RPA1: variants seen among roughly 807,000 people sequenced by gnomAD.
RPA1 encodes the protein replication protein A 70 kDa DNA-binding subunit.
RPA1 carries 49 observed loss-of-function variants against 83.0 expected under a neutral mutation model. The observed-to-expected ratio is 0.59, with a 90% CI of 0.47 to 0.75. RPA1 has a LOEUF of 0.75. RPA1 is among the 30% of genes least tolerant of loss of function. The probability of loss-of-function intolerance (pLI) is 0.00; values close to 1 mark genes in which losing one functional copy is unlikely to be tolerated. For missense variants in RPA1, 693 were observed against 776.1 expected (o/e 0.89, Z 1.27); for synonymous variants, 279 against 281.8 (o/e 0.99, Z 0.10).
intron 7 of RPA1, 131 bp from the exon 8 acceptor site, chr17:1,877,081 A>G (rs1303199714): frequency 2.8e-5 from 22 of 784,338 alleles, no homozygotes; most frequent in Admixed American, 9.1e-5. Context: ...TGGGGTTTTA[A>G]TTAGCTGGAT....
intron 1 of RPA1, among the ~76,000 whole-genome samples, chr17:1,841,249 T>C (rs1258013040): frequency 6.6e-6 from 1 of 152,208 alleles, no homozygotes; most frequent in Admixed American, 6.6e-5. Context: ...GGATTTTCTA[T>C]GTAAACGATC....
chr17:1,896,532 G>C (rs1348695207), intron 16 of RPA1, among the ~76,000 whole-genome samples: 1 of 152,108 alleles, frequency 6.6e-6, no homozygotes, highest in Non-Finnish European at 1.5e-5. Flanking sequence ...AGTGGGGTGG[G>C]GCTGGGGGGG....
Position 1,897,053 on chromosome 17 carries a change from A to G in RPA1, c.1747-18A>G, listed in dbSNP as rs1914461194. 5.1e-6 allele frequency: 8 copies of G among 1,553,712 alleles called. No individual in the cohort carries two copies. The Admixed American group carries it at 7.7e-5, about 15-fold the overall frequency. Reference sequence around the variant, plus strand: ...ACCACACTTTCACTGCTCACAAACTACTTCTCCCTTTTTGAAGGACGAGTC... The same window carrying G: ...ACCACACTTTCACTGCTCACAAACTGCTTCTCCCTTTTTGAAGGACGAGTC... On this transcript the variant is annotated intron_variant, in intron 16 of 16. Transcript: ENST00000254719.
At chr17:1,891,579 C>T (rs1217753586) in intron 14 of RPA1, 2 of 192,750 alleles carry the variant, frequency 1.0e-5, no homozygotes, top group Non-Finnish European at 2.2e-5. Flanking sequence ...GCCACCATGC[C>T]TGGCTAATTT....
rs1914580679 is a variant in RPA1 at position 1,899,796 on chromosome 17, A to G, written c.*2621A>G. ...TTGGCAATATGCCGCCCAAGGTTTTATTTATAGAGGATGAAACAGGTTGTT... is the reference window on the plus strand; with the variant it reads ...TTGGCAATATGCCGCCCAAGGTTTTGTTTATAGAGGATGAAACAGGTTGTT... On this transcript the variant is annotated 3_prime_UTR_variant, in exon 17 of 17. Coordinates refer to ENST00000254719, the MANE Select transcript of RPA1 (RefSeq NM_002945.5). The G allele has an allele frequency of 3.3e-5, 5 of 152,156 alleles. No homozygotes were observed. The highest frequency in any genetic ancestry group is 6.5e-5 in the Admixed American group (1 of 15,274). The allele number at this position is 152,156 out of a possible 1,614,324, so 9.4% of individuals were successfully genotyped here. A position where few individuals can be genotyped will look rare whatever the true frequency, so the allele number is the denominator to read the frequency against.
At chr17:1,878,458 C>G (rs1253926419) in intron 8 of RPA1, among the ~76,000 whole-genome samples, 1 of 151,858 alleles carries the variant, frequency 6.6e-6, no homozygotes, top group Non-Finnish European at 1.5e-5. Context: ...ATTTCTTGTC[C>G]ACTTGTAAAT....
At position 1,842,552 on chromosome 17, in the gene RPA1, G is replaced by C. The variant is rs552068830; in HGVS notation, c.34-251G>C. 2.6e-5 allele frequency among the ~76,000 whole-genome samples: 4 copies of C among 152,268 alleles called. No homozygotes were observed. The East Asian group carries it at 7.7e-4, about 29-fold the overall frequency. On this transcript the variant is annotated intron_variant, in intron 1 of 16. Coordinates refer to ENST00000254719, the MANE Select transcript of RPA1 (RefSeq NM_002945.5). Reference sequence around the variant, plus strand: ...GAGCACTAGAGGGAAATGAATGGCTGTTAAGAATAACGAGTACATATGGGA... The same window carrying C: ...GAGCACTAGAGGGAAATGAATGGCTCTTAAGAATAACGAGTACATATGGGA...
At chr17:1,864,485 G>A (rs1325287612) in intron 5 of RPA1, among the ~76,000 whole-genome samples, 1 of 152,180 alleles carries the variant, frequency 6.6e-6, no homozygotes, top group African/African-American at 2.4e-5. Flanking sequence ...GTTGCAGTGA[G>A]CTGAGATTGC....
At chr17:1,882,457 C>A (rs990751327) in intron 12 of RPA1, among the ~76,000 whole-genome samples, 16 of 151,816 alleles carry the variant, frequency 1.1e-4, no homozygotes, top group African/African-American at 2.7e-4. Context: ...GAGTTCAAGA[C>A]CAGCCTGGCC....
intron 4 of RPA1, 21 bp from the exon 5 acceptor site, chr17:1,853,080 T>C: frequency 1.2e-6 from 2 of 1,607,808 alleles, no homozygotes; most frequent in South Asian, 2.2e-5. Context: ...CTAACCTGTT[T>C]CTGTTTGTCT....
At chr17:1,875,922 CTTTTTT>C (rs371878374) in intron 7 of RPA1, 129 bp downstream of exon 7, 455 of 541,332 alleles carry the variant, frequency 8.4e-4, no homozygotes, top group East Asian at 1.2e-3. Context: ...TGGGTTTACT[CTTTTTT>C]TTTTTTTTTT....
intron 11 of RPA1, 22 bp from the exon 12 acceptor site, chr17:1,880,521 A>G (rs1223736969): frequency 6.2e-7 from 1 of 1,609,106 alleles, no homozygotes; most frequent in Non-Finnish European, 8.5e-7. Flanking sequence ...ACACTTGTAT[A>G]TGTCTGGTGT....
At chr17:1,888,646 G>T (rs558045044) in intron 13 of RPA1, 29 bp from the exon 14 acceptor site, 3 of 1,590,384 alleles carry the variant, frequency 1.9e-6, no homozygotes, top group Non-Finnish European at 2.6e-6. Context: ...TCGCGACTCC[G>T]TGCCTCATGC....
intron 1 of RPA1, among the ~76,000 whole-genome samples, chr17:1,839,224 C>G (rs1911945286): frequency 6.6e-6 from 1 of 152,156 alleles, no homozygotes; most frequent in South Asian, 2.1e-4. Context: ...CAATTGATTT[C>G]TATGTTGGTG....
Position 1,899,712 on chromosome 17 carries a change from T to C in RPA1, c.*2537T>C, listed in dbSNP as rs899663023. 6.6e-6 allele frequency: 1 copy of C among 152,236 alleles called. No homozygotes were observed. The highest frequency in any genetic ancestry group is 2.4e-5 in the African/African-American group (1 of 41,466). 9.4% of individuals were successfully genotyped at this position (152,236 alleles called of 1,614,324 possible). A position where few individuals can be genotyped will look rare whatever the true frequency, so the allele number is the denominator to read the frequency against. Reference sequence around the variant, plus strand: ...GTTATTGACTACATAATTAATATACTGTCCAAAAGTGAAGTTTGGCCGCCC... The same window carrying C: ...GTTATTGACTACATAATTAATATACCGTCCAAAAGTGAAGTTTGGCCGCCC... On this transcript the variant is annotated 3_prime_UTR_variant, in exon 17 of 17. Transcript: ENST00000254719.
Position 1,842,792 on chromosome 17 carries a change from T to C in RPA1, c.34-11T>C, listed in dbSNP as rs1183629454. On this transcript the variant is annotated splice_polypyrimidine_tract_variant and intron_variant, in intron 1 of 16. Transcript: ENST00000254719. Reference sequence around the variant, plus strand: ...TGCGTATCTCACACAAACCTGTTTTTACTCCCTCAGGCCATCATGCAGAAG... The same window carrying C: ...TGCGTATCTCACACAAACCTGTTTTCACTCCCTCAGGCCATCATGCAGAAG... 1 of 1,613,640 alleles carries C rather than the reference T, an allele frequency of 6.2e-7. No homozygotes were observed. The highest frequency in any genetic ancestry group is 8.5e-7 in the Non-Finnish European group (1 of 1,179,684).
intron 4 of RPA1, among the ~76,000 whole-genome samples, chr17:1,850,536 CA>C (rs34637294): frequency 0.063 from 8,630 of 137,230 alleles, 815 homozygotes; most frequent in African/African-American, 0.21. Flanking sequence ...GACTCCGTCT[CA>C]AAAAAAAAAA....
chr17:1,846,869 C>T (rs559039546), intron 4 of RPA1, among the ~76,000 whole-genome samples: 1 of 152,202 alleles, frequency 6.6e-6, no homozygotes, highest in Admixed American at 6.5e-5. Context: ...TTAGTTTTCT[C>T]TCTTCTACTC....
intron 13 of RPA1, among the ~76,000 whole-genome samples, 178 bp from the exon 14 acceptor site, chr17:1,888,497 T>G (rs1567827081): frequency 1.3e-5 from 2 of 152,256 alleles, no homozygotes; most frequent in Admixed American, 6.5e-5. Flanking sequence ...ATGGGTTTTG[T>G]ACTCGGCACA....
Sources: gnomAD v4.1 joint callset for allele counts (sites outside exome capture counted in the v4.1 genomes callset) on GRCh38, gnomAD v4.1.1 for gene constraint, MANE v1.5 for transcripts, NCBI Gene and HGNC (gene_info 2026-07-23, HGNC 2026-07-21) for gene names.